The following GLG1 variants were observed in gnomAD, a reference collection of about 807,000 sequenced individuals.
GLG1 encodes Golgi apparatus protein 1.
A neutral mutation model predicts 160.5 loss-of-function variants in GLG1; 38 were observed. The ratio of observed to expected loss-of-function variants is 0.24; its 90% CI spans 0.18 to 0.31. The LOEUF (loss-of-function observed/expected upper bound fraction) is 0.31, where lower values mean the gene tolerates loss of function less well. GLG1 is among the 10% of genes least tolerant of loss of function. The pLI, the probability that GLG1 is intolerant of heterozygous loss-of-function variation, is 1.00. For missense variants in GLG1, 1,373 were observed against 1,505.2 expected, an observed-to-expected ratio of 0.91 and a Z score of 1.45; for synonymous variants, 644 against 543.4, an observed-to-expected ratio of 1.19 and a Z score of -2.57.
intron 4 of GLG1, among the ~76,000 whole-genome samples, chr16:74,500,488 A>C (rs74862409): frequency 4.0e-5 from 6 of 151,878 alleles, no homozygotes; most frequent in Non-Finnish European, 5.9e-5. Context: ...AAAAAAAAAA[A>C]CCAACAACAG....
intron 2 of GLG1, among the ~76,000 whole-genome samples, chr16:74,512,404 C>G (rs1303154899): frequency 1.3e-5 from 2 of 151,760 alleles, no homozygotes; most frequent in Non-Finnish European, 2.9e-5. Context: ...GCTGGGATTA[C>G]AGGTGTGCGC....
chr16:74,509,095 G>GA (rs1324837930), intron 2 of GLG1, among the ~76,000 whole-genome samples, 170 bp from the exon 3 acceptor site: 2 of 148,970 alleles, frequency 1.3e-5, no homozygotes, highest in Non-Finnish European at 1.5e-5. Context: ...TAGATAAAAG[G>GA]AAAAAAATGC....
At position 74,497,434 on chromosome 16, in the gene GLG1, C is replaced by CTTT. The variant is rs773526380; in HGVS notation, c.775-793_775-791dup. Reference sequence around the variant, plus strand: ...GGCATTTCCCAAATAACAGTGCTTGCTTTTTTTTTTTTTTTTTTTTTGAGA... The same window carrying CTTT: ...GGCATTTCCCAAATAACAGTGCTTGCTTTTTTTTTTTTTTTTTTTTTTTTGAGA... On this transcript the variant is annotated intron_variant, in intron 4 of 25. Coordinates refer to ENST00000422840, the MANE Select transcript of GLG1 (RefSeq NM_001145667.2). Among the ~76,000 whole-genome samples, 358 of 117,130 alleles carry CTTT rather than the reference C, an allele frequency of 3.1e-3. 9 individuals carry two copies. The highest frequency in any genetic ancestry group is 4.8e-3 in the Non-Finnish European group (270 of 56,210). The allele number at this position is 117,130 out of a possible 152,430, so 76.8% of individuals were successfully genotyped here.
rs78552571 is a variant in GLG1, at chr16:74,561,129, G to C, written c.439-28976C>G. Among the ~76,000 whole-genome samples, 1,382 of 152,230 alleles carry C rather than the reference G, an allele frequency of 9.1e-3. 22 individuals are homozygous for C. Among genetic ancestry groups the C allele is most frequent in the African/African-American group, 0.031 (1,308 of 41,546 alleles). ...TCGGGGCCAACAGGCAGCAAGCCAG[G>C]ATCCTGCAGCAGCCAGCACCTTCCT... is the stretch of plus-strand genomic sequence containing the variant. On this transcript the variant is annotated intron_variant, in intron 1 of 25. Coordinates refer to ENST00000422840, the MANE Select transcript of GLG1 (RefSeq NM_001145667.2).
At chr16:74,486,293 C>T (rs566210315) in intron 8 of GLG1, among the ~76,000 whole-genome samples, 1 of 152,182 alleles carries the variant, frequency 6.6e-6, no homozygotes, top group East Asian at 1.9e-4. Context: ...AAATAAAGAA[C>T]ATTTTCACTT....
chr16:74,602,419 G>C (rs1262936504), intron 1 of GLG1, among the ~76,000 whole-genome samples: 2 of 152,172 alleles, frequency 1.3e-5, no homozygotes, highest in African/African-American at 2.4e-5. Flanking sequence ...AGACATGCTT[G>C]AAGTATTTGA....
chr16:74,586,469 C>T (rs140714454), intron 1 of GLG1, among the ~76,000 whole-genome samples: 1 of 152,046 alleles, frequency 6.6e-6, no homozygotes, highest in Non-Finnish European at 1.5e-5. Flanking sequence ...TTCCATTGGG[C>T]AATGGAAAGA....
At chr16:74,533,617 G>C (rs1252573428) in intron 1 of GLG1, among the ~76,000 whole-genome samples, 1 of 150,670 alleles carries the variant, frequency 6.6e-6, no homozygotes, top group Non-Finnish European at 1.5e-5. Flanking sequence ...CCCGTCTCCA[G>C]TAAAAATACA....
At chr16:74,531,609 G>A (rs1257308146) in intron 2 of GLG1, among the ~76,000 whole-genome samples, 1 of 152,160 alleles carries the variant, frequency 6.6e-6, no homozygotes, top group African/African-American at 2.4e-5. Context: ...TTACAGGTGT[G>A]AACCACCATG....
chr16:74,519,084 C>A (rs2017074095), intron 2 of GLG1, among the ~76,000 whole-genome samples: 1 of 152,080 alleles, frequency 6.6e-6, no homozygotes, highest in Non-Finnish European at 1.5e-5. Flanking sequence ...TGGAACCAAC[C>A]CAAATGTCCA....
rs1468691430 is a variant in GLG1 at position 74,448,751 on chromosome 16, A to AG, written c.*4415_*4416insC. ...TGGGCAACGAGTGAAACTGTGTCTC[A>AG]AAAGAAAAAAAAAAAAAAGGCCAGG... On this transcript the variant is annotated 3_prime_UTR_variant, in exon 26 of 26. Transcript: ENST00000422840. 2.2e-3 allele frequency: 3 copies of AG among 1,340 alleles called. No homozygotes were observed. The highest frequency in any genetic ancestry group is 0.042 in the South Asian group (1 of 24). The allele number at this position is 1,340 out of a possible 1,614,324, so 0.1% of individuals were successfully genotyped here.
intron 1 of GLG1, among the ~76,000 whole-genome samples, chr16:74,560,105 A>G (rs187631471): frequency 6.6e-6 from 1 of 152,184 alleles, no homozygotes; most frequent in Non-Finnish European, 1.5e-5. Flanking sequence ...GCGTTTCGCC[A>G]AACATTGTTC....
At chr16:74,507,249 G>T (rs946759414) in intron 3 of GLG1, among the ~76,000 whole-genome samples, 1 of 152,058 alleles carries the variant, frequency 6.6e-6, no homozygotes. Context: ...GGTCACAGAG[G>T]ACCATCGTGA....
chr16:74,464,427 T>C (rs1202066677), intron 19 of GLG1, among the ~76,000 whole-genome samples: 2 of 152,216 alleles, frequency 1.3e-5, no homozygotes, highest in Non-Finnish European at 2.9e-5. Context: ...CTGCTGTCCT[T>C]TAAGTCAGGG....
In GLG1 at chr16:74,451,637, G is replaced by A. The variant is rs772276679; in HGVS notation, c.*1530C>T. On this transcript the variant is annotated 3_prime_UTR_variant, in exon 26 of 26. Coordinates refer to ENST00000422840, the MANE Select transcript of GLG1 (RefSeq NM_001145667.2). ...GGCACGTGATTTATAATACTTTGTG[G>A]ACATCTAACAGGTTAATAAAATATA... The A allele has an allele frequency of 1.1e-5, 2 of 184,916 alleles. No individual in the cohort carries two copies. Among genetic ancestry groups the A allele is most frequent in the Non-Finnish European group, 2.3e-5 (2 of 86,750 alleles). 11.5% of individuals were successfully genotyped at this position (184,916 alleles called of 1,614,324 possible).
At chr16:74,562,121 C>A (rs1280054819) in intron 1 of GLG1, among the ~76,000 whole-genome samples, 1 of 152,234 alleles carries the variant, frequency 6.6e-6, no homozygotes, top group Non-Finnish European at 1.5e-5. Context: ...AAATGTGTTT[C>A]CCTCACGGGG....
rs1487029919 is a variant in GLG1, at chr16:74,456,700, C to T, written c.3321G>A (p.Glu1107=). Residue 1107 remains glutamate, a synonymous_variant, in exon 25 of 26, where the codon GAG becomes GAA. Transcript: ENST00000422840. ...LEDKRVRLQP[E]CKKRLNDRIE... is the part of the protein sequence containing the mutation. ...TCCGGTCATTGAGGCGCTTTTTGCA[C>T]TCGGGCTGTAACCTCACCCGCTTAT... 11 of 1,610,938 alleles carry T rather than the reference C, an allele frequency of 6.8e-6. No homozygotes were observed. The highest frequency in any genetic ancestry group is 8.5e-6 in the Non-Finnish European group (10 of 1,179,082).
intron 1 of GLG1, among the ~76,000 whole-genome samples, chr16:74,600,731 CAAAAAAA>C (rs56122377): frequency 7.1e-5 from 8 of 112,596 alleles, no homozygotes; most frequent in Middle Eastern, 5.5e-3. Flanking sequence ...GATTCCACCT[CAAAAAAA>C]AAAAAAAAAA....
Position 74,469,970 on chromosome 16 carries a change from C to A in GLG1, c.2318+15G>T. On this transcript the variant is annotated intron_variant, in intron 16 of 25. Coordinates refer to ENST00000422840, the MANE Select transcript of GLG1 (RefSeq NM_001145667.2). ...ACTTCGGGAAAGTGGAATGAAACAA[C>A]TACAAGCTACATACTTCTTTTTTAT... 1 of 1,488,488 alleles carries A rather than the reference C, an allele frequency of 6.7e-7. No individual in the cohort carries two copies. The highest frequency in any genetic ancestry group is 9.4e-7 in the Non-Finnish European group (1 of 1,065,094). The allele number at this position is 1,488,488 out of a possible 1,614,324, so 92.2% of individuals were successfully genotyped here. A position where few individuals can be genotyped will look rare whatever the true frequency, so the allele number is the denominator to read the frequency against.
Sources: allele counts gnomAD v4.1 joint callset (sites outside exome capture counted in the v4.1 genomes callset), GRCh38; gene constraint gnomAD v4.1.1; transcripts MANE v1.5; gene names NCBI Gene and HGNC (gene_info 2026-07-23, HGNC 2026-07-21).